Variants in ENO4 observed in about 807,000 individuals in gnomAD.
ENO4 encodes the protein enolase 4.
ENO4 carries 53 observed loss-of-function variants against 63.2 expected under a neutral mutation model. The observed-to-expected ratio is 0.84, with a 90% confidence interval of 0.67 to 1.05. The LOEUF (loss-of-function observed/expected upper bound fraction) is 1.05. ENO4 is among the 50% of genes least tolerant of loss of function. ENO4 has a pLI of 0.00. For synonymous variants in ENO4, 266 were observed against 283.8 expected (o/e 0.94, Z 0.63); for missense variants, 719 against 772.0 (o/e 0.93, Z 0.81).
intron 10 of ENO4, among the ~76,000 whole-genome samples, chr10:116,909,226 T>C (rs1848093234): frequency 6.6e-6 from 1 of 152,144 alleles, no homozygotes; most frequent in South Asian, 2.1e-4. Context: ...ACCAATACTC[T>C]TTTTCTACTT....
Position 116,856,541 on chromosome 10 carries a change from C to T in ENO4, c.344C>T (p.Ala115Val), listed in dbSNP as rs753536894. 1 of 1,536,132 alleles carries T rather than the reference C, an allele frequency of 6.5e-7. No individual in the cohort carries two copies. Among genetic ancestry groups the T allele is most frequent in the South Asian group, 1.2e-5 (1 of 84,066 alleles). ...ISTHFEVHEN[A>V]LPELAKAEEA... ...ACTCATTTTGAAGTCCATGAGAATG[C>T]TCTGCCCGAGCTGGCCAAGGCGGAG... is the stretch of plus-strand genomic sequence containing the variant. The change falls in exon 3 of 14, where the codon GCT becomes GTT. Residue 115 changes from alanine to valine, a missense_variant. By Grantham distance (64) the Ala-to-Val change is moderately conservative. This residue lies in a region of ENO4 where 544 missense variants were observed against 583.6 expected (regional missense o/e 0.93). Transcript: ENST00000341276.
chr10:116,859,720 G>A (rs1176671009), intron 4 of ENO4, among the ~76,000 whole-genome samples: 2 of 152,058 alleles, frequency 1.3e-5, no homozygotes, highest in Non-Finnish European at 2.9e-5. Context: ...ACTAGAACGT[G>A]CTCCTTGAGG....
At chr10:116,907,068 T>G (rs898054804) in intron 10 of ENO4, among the ~76,000 whole-genome samples, 8 of 152,096 alleles carry the variant, frequency 5.3e-5, no homozygotes, top group Non-Finnish European at 1.2e-4. Context: ...ACGTGATGTG[T>G]GTTGACTGGG....
chr10:116,901,219 T>C (rs1031719921), intron 10 of ENO4: 11 of 985,294 alleles, frequency 1.1e-5, no homozygotes, highest in South Asian at 4.7e-5. Flanking sequence ...CTGAAACACA[T>C]TCAATAGCAG....
chr10:116,862,232 G>A (rs1846435132), intron 6 of ENO4, among the ~76,000 whole-genome samples: 1 of 152,184 alleles, frequency 6.6e-6, no homozygotes, highest in Non-Finnish European at 1.5e-5. Flanking sequence ...GGGAGGCCAA[G>A]ATGGGAGGAT....
intron 10 of ENO4, 136 bp downstream of exon 10, chr10:116,874,337 T>C (rs1846774267): frequency 2.2e-6 from 2 of 899,294 alleles, no homozygotes; most frequent in Non-Finnish European, 3.1e-6. Context: ...TTTTGGATCG[T>C]TGTCATTCAA....
chr10:116,869,463 CAA>C (rs372616542), intron 8 of ENO4, among the ~76,000 whole-genome samples: 1 of 149,750 alleles, frequency 6.7e-6, no homozygotes, highest in African/African-American at 2.5e-5. Flanking sequence ...CAGCTGAAGA[CAA>C]AAAAAAGAGG....
chr10:116,906,493 C>A, intron 10 of ENO4: 1 of 802,468 alleles, frequency 1.2e-6, no homozygotes, highest in South Asian at 2.6e-5. Flanking sequence ...TTTACCCATC[C>A]CATACTTCTC....
At chr10:116,851,145 A>G (rs1400760312) in intron 1 of ENO4, among the ~76,000 whole-genome samples, 3 of 152,232 alleles carry the variant, frequency 2.0e-5, no homozygotes, top group Non-Finnish European at 4.4e-5. Flanking sequence ...TGATCTTCTT[A>G]TTCTATTAGG....
At chr10:116,880,578 G>A (rs1846977347) in intron 13 of ENO4, among the ~76,000 whole-genome samples, 2 of 152,138 alleles carry the variant, frequency 1.3e-5, no homozygotes, top group South Asian at 2.1e-4. Flanking sequence ...ATAGCATGCA[G>A]TGGCATTTAA....
intron 10 of ENO4, chr10:116,911,388 G>A: frequency 7.2e-7 from 1 of 1,391,592 alleles, no homozygotes; most frequent in Non-Finnish European, 9.6e-7. Flanking sequence ...TATTTGGGGA[G>A]GAATTTAGCT....
chr10:116,910,544 A>G (rs1360013653), intron 10 of ENO4, among the ~76,000 whole-genome samples: 1 of 152,198 alleles, frequency 6.6e-6, no homozygotes, highest in East Asian at 1.9e-4. Context: ...CTAATCAAAT[A>G]TTATCATATG....
chr10:116,872,812 G>A lies in ENO4; in HGVS notation c.1216-1264G>A, dbSNP rs1455910784. ...GACCAAATAGCATTCTGCTTTAACTGTGATTTTAACTTTACAAAGGAAATT... is the reference window on the plus strand; with the variant it reads ...GACCAAATAGCATTCTGCTTTAACTATGATTTTAACTTTACAAAGGAAATT... On this transcript the variant is annotated intron_variant, in intron 9 of 13. Transcript: ENST00000341276. Among the ~76,000 whole-genome samples the A allele has an allele frequency of 2.6e-5, 4 of 152,154 alleles. No individual in the cohort carries two copies. In the South Asian group the frequency reaches 6.2e-4, roughly 24 times the overall value.
rs1186952659 is a variant in ENO4 at position 116,856,495 on chromosome 10, G to A, written c.298G>A (p.Val100Ile). The A allele has an allele frequency of 1.1e-5, 17 of 1,535,052 alleles. No individual in the cohort carries two copies. Among genetic ancestry groups the A allele is most frequent in the Middle Eastern group, 1.7e-4 (1 of 6,012 alleles). ...FCTIQNFPKN[V>I]CSVVISTHFE... ...AACACATTTATATGATTTTCAGAAC[G>A]TATGTTCTGTGGTGATCTCGACTCA... The change falls in exon 3 of 14, where the codon GTA becomes ATA. Residue 100 changes from valine to isoleucine, a missense_variant. Physicochemically the swap from Val to Ile is conservative, Grantham distance 29 (BLOSUM62 3). Coordinates refer to ENST00000341276, the MANE Select transcript of ENO4 (RefSeq NM_001242699.2).
At chr10:116,884,596 T>C (rs924442702), downstream of ENO4, 3 of 199,566 alleles carry the variant, frequency 1.5e-5, no homozygotes, top group Admixed American at 5.3e-5. Flanking sequence ...TTCCTAAATG[T>C]GTGTGAGTTG....
rs745376022 is a variant in ENO4 at position 116,868,716 on chromosome 10, T to C, written c.1047+10T>C. 11 of 1,548,004 alleles carry C rather than the reference T, an allele frequency of 7.1e-6. No individual in the cohort carries two copies. The highest frequency in any genetic ancestry group is 3.9e-5 in the Admixed American group (2 of 51,000). On this transcript the variant is annotated intron_variant, in intron 8 of 13. Transcript: ENST00000341276. ...AAGCAAAAGAGGTCAAGTAAGTCTA[T>C]ATATTGTTTACCATCCTTCCATATG...
intron 7 of ENO4, among the ~76,000 whole-genome samples, chr10:116,863,338 A>G (rs1000068967): frequency 5.0e-5 from 7 of 141,120 alleles, no homozygotes; most frequent in Non-Finnish European, 9.2e-5. Context: ...GAGGGACCCA[A>G]TCCTTGTCTG....
At chr10:116,853,258 G>A (rs1401083603) in intron 1 of ENO4, among the ~76,000 whole-genome samples, 1 of 134,374 alleles carries the variant, frequency 7.4e-6, no homozygotes, top group Non-Finnish European at 1.5e-5. Flanking sequence ...TTGTGCCACT[G>A]CACTCCAGCC....
At chr10:116,869,894 G>A (rs530604996) in intron 8 of ENO4, among the ~76,000 whole-genome samples, 28 of 69,918 alleles carry the variant, frequency 4.0e-4, no homozygotes, top group African/African-American at 1.2e-3. Context: ...AGTTAACTCC[G>A]TAAAATGGAG....
Sources: gnomAD v4.1 joint callset for allele counts (sites outside exome capture counted in the v4.1 genomes callset) on GRCh38, gnomAD v4.1.1 for gene constraint, gnomAD v4.1.1 regional missense constraint, MANE v1.5 for transcripts, NCBI Gene and HGNC (gene_info 2026-07-23, HGNC 2026-07-21) for gene names.